Variants in SP100 observed in about 807,000 individuals in gnomAD.
SP100 encodes the protein nuclear autoantigen Sp-100.
Under a neutral mutation model 130.0 loss-of-function variants are expected in SP100, and 84 were observed. The ratio of observed to expected loss-of-function variants is 0.65; its 90% CI spans 0.54 to 0.77. The LOEUF (loss-of-function observed/expected upper bound fraction) is 0.77, where lower values mean the gene tolerates loss of function less well. Among genes scored for constraint, SP100 ranks in the 30% least tolerant of loss-of-function variants. SP100 has a pLI of 0.00. For missense variants in SP100, 978 were observed against 1,052.2 expected (o/e 0.93, Z 0.97); for synonymous variants, 331 against 351.7 (o/e 0.94, Z 0.66).
In SP100 at chr2:230,488,607, G is replaced by A. The variant is rs561477986; in HGVS notation, c.1601-5809G>A. Among the ~76,000 whole-genome samples the A allele has an allele frequency of 6.6e-4, 101 of 152,258 alleles. 1 individual carries two copies. The highest frequency in any genetic ancestry group is 1.2e-3 in the Non-Finnish European group (82 of 68,010). On this transcript the variant is annotated intron_variant, in intron 17 of 28. Transcript: ENST00000340126. Reference sequence around the variant, plus strand: ...TTTTAGCATTTTTAGTAGAGATGGGGTTTCACTGTGTTAGCCAGGACAGTC... The same window carrying A: ...TTTTAGCATTTTTAGTAGAGATGGGATTTCACTGTGTTAGCCAGGACAGTC...
intron 8 of SP100, among the ~76,000 whole-genome samples, chr2:230,451,310 A>T (rs1263963320): frequency 2.0e-5 from 3 of 152,064 alleles, no homozygotes; most frequent in Non-Finnish European, 4.4e-5. Flanking sequence ...TGTTATCTTT[A>T]GTCTTTTTGA....
chr2:230,462,654 T>C (rs2064720191), intron 10 of SP100, 136 bp downstream of exon 10: 1 of 697,976 alleles, frequency 1.4e-6, no homozygotes, highest in Admixed American at 2.5e-5. Context: ...TTTGCATTAA[T>C]TTTACTTGAC....
Position 230,476,702 on chromosome 2 carries a change from G to A in SP100, c.1600+2255G>A, listed in dbSNP as rs147766126. Among the ~76,000 whole-genome samples the A allele has an allele frequency of 1.0e-3, 158 of 152,160 alleles. 1 individual carries two copies. The highest frequency in any genetic ancestry group is 3.5e-3 in the African/African-American group (144 of 41,522). On this transcript the variant is annotated intron_variant, in intron 17 of 28. Transcript: ENST00000340126. Reference sequence around the variant, plus strand: ...ACTAATATACCTGGACAATAAAAACGTTTTAAATTGAAATATAAAAAGTCT... The same window carrying A: ...ACTAATATACCTGGACAATAAAAACATTTTAAATTGAAATATAAAAAGTCT...
chr2:230,470,308 G>A, intron 15 of SP100: 1 of 1,246,472 alleles, frequency 8.0e-7, no homozygotes, highest in Non-Finnish European at 1.0e-6. Context: ...CTGACTAAAT[G>A]TATGTAATTA....
intron 11 of SP100, among the ~76,000 whole-genome samples, chr2:230,465,982 C>T (rs1292661857): frequency 6.6e-6 from 1 of 151,750 alleles, no homozygotes; most frequent in African/African-American, 2.4e-5. Context: ...GTCAGGAGTT[C>T]GAGACCAGTC....
intron 24 of SP100, among the ~76,000 whole-genome samples, chr2:230,524,072 G>T (rs1331148225): frequency 6.8e-6 from 1 of 147,924 alleles, no homozygotes; most frequent in East Asian, 2.0e-4. Context: ...GGTTGCTCAC[G>T]CCTGTAATCC....
At chr2:230,456,927 G>C (rs1352739748) in intron 8 of SP100, among the ~76,000 whole-genome samples, 1 of 152,194 alleles carries the variant, frequency 6.6e-6, no homozygotes, top group South Asian at 2.1e-4. Flanking sequence ...TTTGGGGTCT[G>C]CTATGGGGAG....
chr2:230,436,706 C>A (rs1306578517), intron 2 of SP100, among the ~76,000 whole-genome samples: 2 of 152,200 alleles, frequency 1.3e-5, no homozygotes, highest in Middle Eastern at 3.4e-3. Context: ...TTGGTAAATT[C>A]TTTTTCTAGT....
chr2:230,512,960 C>T (rs1390413284), intron 24 of SP100, among the ~76,000 whole-genome samples: 3 of 151,938 alleles, frequency 2.0e-5, no homozygotes, highest in African/African-American at 7.2e-5. Context: ...GGTTTGTGCT[C>T]CTATGAGAAT....
intron 23 of SP100, 163 bp downstream of exon 23, chr2:230,508,194 C>A: frequency 1.7e-6 from 2 of 1,179,278 alleles, no homozygotes; most frequent in African/African-American, 1.6e-5. Context: ...ATGTATAAGT[C>A]CAGGGCTCCT....
intron 18 of SP100, among the ~76,000 whole-genome samples, chr2:230,496,869 G>T (rs1346973597): frequency 1.3e-5 from 2 of 152,096 alleles, no homozygotes; most frequent in African/African-American, 2.4e-5. Flanking sequence ...CCTTTCCCTA[G>T]GGAGACCTAT....
chr2:230,422,108 A>T (rs762668788), intron 2 of SP100, among the ~76,000 whole-genome samples: 4 of 152,072 alleles, frequency 2.6e-5, no homozygotes, highest in Non-Finnish European at 5.9e-5. Context: ...CCTTCTAGTG[A>T]TTAAAACACT....
intron 24 of SP100, chr2:230,515,446 C>T: frequency 1.9e-6 from 3 of 1,613,588 alleles, no homozygotes; most frequent in Middle Eastern, 1.7e-4. Flanking sequence ...AGCTGACAAG[C>T]AGTTTTATGA....
Position 230,541,917 on chromosome 2 carries a change from A to C in SP100, c.2429A>C (p.Gln810Pro). 6.2e-7 allele frequency: 1 copy of C among 1,614,120 alleles called. No individual in the cohort carries two copies. The highest frequency in any genetic ancestry group is 8.5e-7 in the Non-Finnish European group (1 of 1,179,988). The change falls in exon 28 of 29, where the codon CAG becomes CCG. Residue 810 changes from glutamine (Q) to proline (P), a missense_variant. Physicochemically the swap from Gln to Pro is moderately conservative, Grantham distance 76. Transcript: ENST00000340126. ...AACAGAGAGGGGTCTCAGGGCCCACAGAAGCCCATGTGGTTAAACAAAGTC... is the reference window on the plus strand; with the variant it reads ...AACAGAGAGGGGTCTCAGGGCCCACCGAAGCCCATGTGGTTAAACAAAGTC... The part of the protein sequence containing the change: ...YYNREGSQGP[Q>P]KPMWLNKVKT...
intron 2 of SP100, among the ~76,000 whole-genome samples, chr2:230,439,656 C>G (rs533439847): frequency 2.0e-5 from 3 of 151,936 alleles, no homozygotes; most frequent in Non-Finnish European, 4.4e-5. Context: ...TGATTCTCAG[C>G]TTGATCATTG....
chr2:230,496,823 A>G (rs572626725), intron 18 of SP100, among the ~76,000 whole-genome samples: 60 of 152,152 alleles, frequency 3.9e-4, no homozygotes, highest in Non-Finnish European at 6.9e-4. Flanking sequence ...ATTCTCCCAG[A>G]CAGAATATCT....
intron 17 of SP100, among the ~76,000 whole-genome samples, chr2:230,478,506 T>C (rs1329925780): frequency 6.6e-6 from 1 of 152,240 alleles, no homozygotes; most frequent in African/African-American, 2.4e-5. Flanking sequence ...CACTTCCATA[T>C]TTTGCAAGAG....
intron 24 of SP100, among the ~76,000 whole-genome samples, chr2:230,529,999 A>G (rs1438407892): frequency 1.3e-5 from 2 of 152,216 alleles, no homozygotes; most frequent in Non-Finnish European, 2.9e-5. Context: ...AAATGGCCAT[A>G]CTGCCCAAGG....
Position 230,450,202 on chromosome 2 carries a change from A to G in SP100, c.767A>G (p.Asn256Ser), listed in dbSNP as rs1156572011. ...ESCEQIAVQVNNGDAGREMPC... is the reference protein window; with the variant it reads ...ESCEQIAVQVSNGDAGREMPC... ...TGCGAACAAATTGCTGTCCAAGTGAATAATGGGGATGCTGGAAGGGAGATG... is the reference window on the plus strand; with the variant it reads ...TGCGAACAAATTGCTGTCCAAGTGAGTAATGGGGATGCTGGAAGGGAGATG... Residue 256 changes from asparagine (N) to serine (S), a missense_variant, in exon 8 of 29, where the codon AAT (asparagine) becomes AGT (serine). Physicochemically the swap from Asn to Ser is conservative, Grantham distance 46 (BLOSUM62 1). Coordinates refer to ENST00000340126, the MANE Select transcript of SP100 (RefSeq NM_001080391.2). 8 of 1,613,984 alleles carry G rather than the reference A, an allele frequency of 5.0e-6. No individual in the cohort carries two copies. Among genetic ancestry groups the G allele is most frequent in the Non-Finnish European group, 6.8e-6 (8 of 1,179,892 alleles).
Sources: allele counts gnomAD v4.1 joint callset (sites outside exome capture counted in the v4.1 genomes callset), GRCh38; gene constraint gnomAD v4.1.1; transcripts MANE v1.5; gene names NCBI Gene and HGNC (gene_info 2026-07-23, HGNC 2026-07-21).